The following ATRNL1 variants were observed in gnomAD, a reference collection of about 807,000 sequenced individuals.
ATRNL1 encodes attractin like 1.
Under a neutral mutation model 182.7 loss-of-function variants are expected in ATRNL1, and 95 were observed. The observed-to-expected ratio is 0.52, with a 90% confidence interval of 0.44 to 0.62. The LOEUF is 0.62. Ranked by LOEUF, ATRNL1 falls within the 20% of genes least tolerant of loss-of-function variation. The probability of loss-of-function intolerance (pLI) is 0.00; values close to 1 mark genes in which losing one functional copy is unlikely to be tolerated. For missense variants in ATRNL1, 1,471 were observed against 1,679.5 expected (o/e 0.88, Z 2.17); for synonymous variants, 576 against 568.3 (o/e 1.01, Z -0.19).
At chr10:115,473,986 G>A (rs892425105) in intron 24 of ATRNL1, among the ~76,000 whole-genome samples, 1 of 151,168 alleles carries the variant, frequency 6.6e-6, no homozygotes, top group African/African-American at 2.4e-5. Context: ...TGCAAGGTTT[G>A]TCAATTTTTA....
intron 22 of ATRNL1, 78 bp from the exon 23 acceptor site, chr10:115,467,096 T>C: frequency 2.6e-6 from 2 of 781,916 alleles, no homozygotes; most frequent in Non-Finnish European, 4.4e-6. Flanking sequence ...AAAACAGACA[T>C]AATTAAATCA....
intron 26 of ATRNL1, among the ~76,000 whole-genome samples, chr10:115,576,642 A>T (rs181737171): frequency 6.6e-6 from 1 of 152,128 alleles, no homozygotes; most frequent in African/African-American, 2.4e-5. Flanking sequence ...TGAACCCCTT[A>T]CACGTACATG....
chr10:115,748,615 T>C (rs1555069789), intron 27 of ATRNL1, among the ~76,000 whole-genome samples: 1 of 151,866 alleles, frequency 6.6e-6, no homozygotes, highest in South Asian at 2.1e-4. Context: ...CCTCAATTTC[T>C]TTTTAAATAC....
chr10:115,241,765 G>T, intron 10 of ATRNL1, 40 bp downstream of exon 10: 1 of 1,538,560 alleles, frequency 6.5e-7, no homozygotes. Flanking sequence ...GGAAATATCA[G>T]AAATTTTCCA....
chr10:115,144,543 T>G (rs2143843455), intron 5 of ATRNL1, among the ~76,000 whole-genome samples: 1 of 152,286 alleles, frequency 6.6e-6, no homozygotes, highest in Non-Finnish European at 1.5e-5. Flanking sequence ...TCTGCCCGCC[T>G]TAGCCGCCCA....
intron 19 of ATRNL1, among the ~76,000 whole-genome samples, chr10:115,359,281 T>C (rs1554943645): frequency 1.3e-5 from 2 of 151,688 alleles, no homozygotes; most frequent in Non-Finnish European, 3.0e-5. Flanking sequence ...TATTAGGTAG[T>C]ACTGTACTTG....
intron 1 of ATRNL1, among the ~76,000 whole-genome samples, chr10:115,099,226 C>T (rs931157484): frequency 2.0e-5 from 3 of 152,134 alleles, no homozygotes; most frequent in Non-Finnish European, 2.9e-5. Flanking sequence ...TTTCACACAG[C>T]GTGTTTATTT....
intron 26 of ATRNL1, among the ~76,000 whole-genome samples, chr10:115,571,050 C>T (rs1854360877): frequency 6.6e-6 from 1 of 152,212 alleles, no homozygotes; most frequent in Non-Finnish European, 1.5e-5. Context: ...CTTCCACCCC[C>T]ATTAACTAAG....
At chr10:115,812,191 C>A (rs1555087154) in intron 27 of ATRNL1, among the ~76,000 whole-genome samples, 1 of 152,016 alleles carries the variant, frequency 6.6e-6, no homozygotes, top group Non-Finnish European at 1.5e-5. Context: ...TTCGTATGGG[C>A]AACTATAGTT....
intron 25 of ATRNL1, among the ~76,000 whole-genome samples, chr10:115,527,231 A>G (rs1302103942): frequency 6.6e-6 from 1 of 150,382 alleles, no homozygotes; most frequent in Non-Finnish European, 1.5e-5. Flanking sequence ...CGATCCTCCC[A>G]CCTCAGCCTC....
chr10:115,849,379 C>T (rs1449986987), intron 28 of ATRNL1, among the ~76,000 whole-genome samples: 1 of 151,998 alleles, frequency 6.6e-6, no homozygotes, highest in Non-Finnish European at 1.5e-5. Context: ...GGATGATTTC[C>T]AAAACAAACA....
intron 21 of ATRNL1, among the ~76,000 whole-genome samples, chr10:115,451,273 A>T (rs1209427149): frequency 1.7e-4 from 26 of 152,172 alleles, no homozygotes; most frequent in Non-Finnish European, 3.8e-4. Context: ...GACAAGTTGG[A>T]TCTAATTAAA....
intron 26 of ATRNL1, among the ~76,000 whole-genome samples, chr10:115,639,084 C>G (rs782319161): frequency 3.9e-5 from 6 of 152,078 alleles, no homozygotes; most frequent in Non-Finnish European, 8.8e-5. Flanking sequence ...GCTAAGAAAT[C>G]CCCACCAAAA....
At chr10:115,781,274 C>T (rs1949258606) in intron 27 of ATRNL1, among the ~76,000 whole-genome samples, 1 of 152,170 alleles carries the variant, frequency 6.6e-6, no homozygotes, top group South Asian at 2.1e-4. Context: ...TTGCTACAAC[C>T]ATTTGGAAAA....
intron 28 of ATRNL1, among the ~76,000 whole-genome samples, chr10:115,924,382 G>A (rs1250229185): frequency 1.3e-4 from 19 of 152,000 alleles, no homozygotes; most frequent in Non-Finnish European, 5.9e-5. Context: ...ATGGATTGGG[G>A]TTTTACATTT....
chr10:115,168,549 T>A (rs1554884817), intron 7 of ATRNL1, among the ~76,000 whole-genome samples: 1 of 152,172 alleles, frequency 6.6e-6, no homozygotes, highest in Non-Finnish European at 1.5e-5. Context: ...TTGATTTGTA[T>A]TTCCCTGTTA....
At chr10:115,719,584 AT>A (rs1190353440) in intron 26 of ATRNL1, among the ~76,000 whole-genome samples, 2 of 152,156 alleles carry the variant, frequency 1.3e-5, no homozygotes, top group African/African-American at 4.8e-5. Context: ...TCCTTTCCTA[AT>A]TTACTTCAAA....
At chr10:115,639,462 A>C (rs1859094762) in intron 26 of ATRNL1, among the ~76,000 whole-genome samples, 1 of 152,246 alleles carries the variant, frequency 6.6e-6, no homozygotes, top group Non-Finnish European at 1.5e-5. Context: ...ACCATTGGCT[A>C]TCCTCTTCCT....
At chr10:115,288,925 G>A (rs1852760832) in intron 15 of ATRNL1, among the ~76,000 whole-genome samples, 1 of 152,022 alleles carries the variant, frequency 6.6e-6, no homozygotes, top group African/African-American at 2.4e-5. Flanking sequence ...TATATATTCT[G>A]GATATTAATT....
Sources: gnomAD v4.1 joint callset for allele counts (sites outside exome capture counted in the v4.1 genomes callset) on GRCh38, gnomAD v4.1.1 for gene constraint, MANE v1.5 for transcripts, NCBI Gene and HGNC (gene_info 2026-07-23, HGNC 2026-07-21) for gene names.